The following RCOR1 variants were observed in gnomAD, a reference collection of about 807,000 sequenced individuals.
The protein encoded by RCOR1 is REST corepressor.
RCOR1 carries 12 observed loss-of-function variants against 64.0 expected under a neutral mutation model. That is an observed-to-expected ratio of 0.19 (90% confidence interval 0.12 to 0.30). RCOR1 has a LOEUF of 0.30. Among genes scored for constraint, RCOR1 ranks in the 10% least tolerant of loss-of-function variants. The probability of loss-of-function intolerance (pLI) is 1.00; values close to 1 mark genes in which losing one functional copy is unlikely to be tolerated. For missense variants in RCOR1, 502 were observed against 621.2 expected, an observed-to-expected ratio of 0.81 and a Z score of 2.04; for synonymous variants, 279 against 227.2, an observed-to-expected ratio of 1.23 and a Z score of -2.05.
chr14:102,727,836 A>G lies in RCOR1; in HGVS notation c.*1330A>G, dbSNP rs543566780. 1.7e-4 allele frequency: 26 copies of G among 152,506 alleles called. No individual in the cohort carries two copies. The highest frequency in any genetic ancestry group is 6.0e-4 in the African/African-American group (25 of 41,580). The allele number at this position is 152,506 out of a possible 1,614,324, so 9.4% of individuals were successfully genotyped here. A position where few individuals can be genotyped will look rare whatever the true frequency, so the allele number is the denominator to read the frequency against. On this transcript the variant is annotated 3_prime_UTR_variant, in exon 12 of 12. Transcript: ENST00000262241. ...ATCACTTTTGTTATCTTATCAGACC[A>G]TGGGCCTGCTGAGGGTTGAGCAGAC... is the stretch of plus-strand genomic sequence containing the variant.
chr14:102,593,508 C>T (rs531693842), intron 2 of RCOR1, among the ~76,000 whole-genome samples, 183 bp downstream of exon 2: 1 of 152,236 alleles, frequency 6.6e-6, no homozygotes. Context: ...TGCAAACGTG[C>T]CTCTGCACCC....
Position 102,653,975 on chromosome 14 carries a change from C to T in RCOR1, c.362-27920C>T, listed in dbSNP as rs28432174. ...TCTTTCTTTCTTTCTTTCTTTCTTTCTTTCTTTCTTTTTTTTTTTTTTTTT... is the reference window on the plus strand; with the variant it reads ...TCTTTCTTTCTTTCTTTCTTTCTTTTTTTCTTTCTTTTTTTTTTTTTTTTT... On this transcript the variant is annotated intron_variant, in intron 2 of 11. Transcript: ENST00000262241. 9.6e-4 allele frequency among the ~76,000 whole-genome samples: 29 copies of T among 30,272 alleles called. 1 individual carries two copies. The highest frequency in any genetic ancestry group is 5.4e-3 in the African/African-American group (25 of 4,642). 19.9% of individuals were successfully genotyped at this position (30,272 alleles called of 152,430 possible).
intron 2 of RCOR1, among the ~76,000 whole-genome samples, chr14:102,618,627 C>G (rs1481218672): frequency 6.6e-6 from 1 of 152,192 alleles, no homozygotes; most frequent in Non-Finnish European, 1.5e-5. Context: ...CTAAACTAAA[C>G]AAATTTCTCT....
intron 2 of RCOR1, among the ~76,000 whole-genome samples, chr14:102,676,251 C>A (rs946455897): frequency 6.7e-6 from 1 of 150,126 alleles, no homozygotes; most frequent in Non-Finnish European, 1.5e-5. Flanking sequence ...GGGTCGTGGC[C>A]GGGCAGAGGG....
intron 4 of RCOR1, among the ~76,000 whole-genome samples, chr14:102,706,114 CAAAAAAAAAAAAAA>C (rs71119732): frequency 2.3e-4 from 5 of 21,330 alleles, no homozygotes; most frequent in Admixed American, 7.9e-4. Flanking sequence ...AACCCTGTCT[CAAAAAAAAAAAAAA>C]AAAAAAAAAA....
chr14:102,703,502 A>T (rs543000022), intron 4 of RCOR1, among the ~76,000 whole-genome samples: 1 of 152,348 alleles, frequency 6.6e-6, no homozygotes, highest in East Asian at 1.9e-4. Context: ...TAAGCTTATT[A>T]GGGTATTTCT....
rs142614883 is a variant in RCOR1, at chr14:102,692,567, A to G, written c.446-8711A>G. On this transcript the variant is annotated intron_variant, in intron 3 of 11. Transcript: ENST00000262241. ...GCTTCCGGATCTTTTCGGTATGCTTATATGCACTCTGATTTTAAGCACAAA... is the reference window on the plus strand; with the variant it reads ...GCTTCCGGATCTTTTCGGTATGCTTGTATGCACTCTGATTTTAAGCACAAA... 7.6e-3 allele frequency among the ~76,000 whole-genome samples: 1,161 copies of G among 152,136 alleles called. 11 individuals are homozygous for G. The highest frequency in any genetic ancestry group is 0.027 in the African/African-American group (1,104 of 41,462).
intron 2 of RCOR1, chr14:102,657,232 C>T (rs1894745327): frequency 2.1e-5 from 21 of 985,008 alleles, no homozygotes; most frequent in Non-Finnish European, 2.4e-5. Flanking sequence ...TGGATGTGTG[C>T]TTAGTGTCAG....
chr14:102,685,574 C>CT (rs1278995506), intron 3 of RCOR1, among the ~76,000 whole-genome samples: 3 of 152,002 alleles, frequency 2.0e-5, no homozygotes, highest in Non-Finnish European at 4.4e-5. Flanking sequence ...CCTCCACCTC[C>CT]TGGGCTCAAG....
chr14:102,597,778 C>T (rs932983193), intron 2 of RCOR1, among the ~76,000 whole-genome samples: 21 of 151,516 alleles, frequency 1.4e-4, no homozygotes, highest in African/African-American at 3.4e-4. Flanking sequence ...GGATTACAGG[C>T]GTGTGCCACT....
chr14:102,619,142 A>G (rs979901512), intron 2 of RCOR1, among the ~76,000 whole-genome samples: 1 of 149,408 alleles, frequency 6.7e-6, no homozygotes, highest in Non-Finnish European at 1.5e-5. Context: ...ATTTTTTGAG[A>G]CGGAGTTTCG....
chr14:102,726,125 G>T (rs1287256621), intron 11 of RCOR1, among the ~76,000 whole-genome samples: 1 of 151,674 alleles, frequency 6.6e-6, no homozygotes, highest in Non-Finnish European at 1.5e-5. Flanking sequence ...TCAGGAGTTC[G>T]AGACCAGCCC....
chr14:102,613,435 A>AT (rs61269468), intron 2 of RCOR1, among the ~76,000 whole-genome samples: 1,711 of 119,270 alleles, frequency 0.014, 15 homozygotes, highest in Non-Finnish European at 0.017. Flanking sequence ...TTTATTTATC[A>AT]TTTTTTTTTT....
intron 2 of RCOR1, among the ~76,000 whole-genome samples, chr14:102,665,154 C>T (rs1320632367): frequency 6.6e-6 from 1 of 151,932 alleles, no homozygotes; most frequent in African/African-American, 2.4e-5. Flanking sequence ...TACAGGCATG[C>T]ACCACCATGC....
intron 2 of RCOR1, among the ~76,000 whole-genome samples, chr14:102,613,148 C>G (rs1222744236): frequency 1.3e-5 from 2 of 152,062 alleles, no homozygotes; most frequent in African/African-American, 4.8e-5. Context: ...GTCGCCCACG[C>G]TGGAATGCAG....
intron 11 of RCOR1, among the ~76,000 whole-genome samples, chr14:102,724,541 A>G (rs1896225595): frequency 6.6e-6 from 1 of 152,152 alleles, no homozygotes; most frequent in African/African-American, 2.4e-5. Flanking sequence ...CATGTTGACC[A>G]GGCTGGTTTC....
Position 102,613,723 on chromosome 14 carries a change from CT to C in RCOR1, c.361+20412del, listed in dbSNP as rs74810023. ...GCATGAGCCACCGCGCCCCGCCATC[CT>C]TTTTTTTTTTTTTAAAGAGGTGGAG... is the stretch of plus-strand genomic sequence containing the variant. On this transcript the variant is annotated intron_variant, in intron 2 of 11. Transcript: ENST00000262241. Among the ~76,000 whole-genome samples, 884 of 140,066 alleles carry C rather than the reference CT, an allele frequency of 6.3e-3. 2 individuals carry two copies. Among genetic ancestry groups the C allele is most frequent in the African/African-American group, 0.01 (394 of 38,484 alleles). The allele number at this position is 140,066 out of a possible 152,430, so 91.9% of individuals were successfully genotyped here. A position where few individuals can be genotyped will look rare whatever the true frequency, so the allele number is the denominator to read the frequency against.
chr14:102,684,152 A>G (rs952071088), intron 3 of RCOR1, among the ~76,000 whole-genome samples: 1 of 152,048 alleles, frequency 6.6e-6, no homozygotes, highest in African/African-American at 2.4e-5. Flanking sequence ...CCTGCCCCCA[A>G]CCCGCTGCGG....
chr14:102,627,882 A>G (rs1296193040), intron 2 of RCOR1, among the ~76,000 whole-genome samples: 1 of 151,904 alleles, frequency 6.6e-6, no homozygotes, highest in Non-Finnish European at 1.5e-5. Context: ...CCCAAGAGAC[A>G]TATGTGTCTG....
Sources: allele counts gnomAD v4.1 joint callset (sites outside exome capture counted in the v4.1 genomes callset), GRCh38; gene constraint gnomAD v4.1.1; transcripts MANE v1.5; gene names NCBI Gene and HGNC (gene_info 2026-07-23, HGNC 2026-07-21).